GRHL3: variants seen among roughly 807,000 people sequenced by gnomAD.
GRHL3 encodes grainyhead-like protein 3 homolog.
A neutral mutation model predicts 70.3 loss-of-function variants in GRHL3; 20 were observed. That is an observed-to-expected ratio of 0.28 (90% confidence interval 0.20 to 0.41). GRHL3 has a LOEUF of 0.41. Among genes scored for constraint, GRHL3 ranks in the 10% least tolerant of loss-of-function variants. The pLI, the probability that GRHL3 is intolerant of heterozygous loss-of-function variation, is 1.00. For synonymous variants in GRHL3, 299 were observed against 299.9 expected (o/e 1.00, Z 0.03); for missense variants, 637 against 762.3 (o/e 0.84, Z 1.94).
chr1:24,340,317 A>G (rs1639988260), intron 8 of GRHL3, among the ~76,000 whole-genome samples: 1 of 152,204 alleles, frequency 6.6e-6, no homozygotes, highest in Non-Finnish European at 1.5e-5. Context: ...CTGAGCCTGT[A>G]AAAATGAGAA....
downstream of GRHL3, among the ~76,000 whole-genome samples, chr1:24,359,305 C>T (rs769053848): frequency 1.6e-4 from 25 of 152,226 alleles, no homozygotes; most frequent in Non-Finnish European, 7.3e-5. This position sits in a 1 kb window ranked among gnomAD's most constrained non-coding sequence, Gnocchi z 5.3. Context: ...GCACCACATA[C>T]GGCATGGAAA....
chr1:24,341,775 G>C (rs1293882338), intron 8 of GRHL3, among the ~76,000 whole-genome samples: 1 of 152,174 alleles, frequency 6.6e-6, no homozygotes, highest in Non-Finnish European at 1.5e-5. Flanking sequence ...AGCTCCTATA[G>C]GACTCTTGAC....
rs751765229 is a variant in GRHL3, at chr1:24,334,670, C to T, written c.230C>T (p.Ser77Phe). ...YMGPKEKRIL[S>F]SSTGGRNDQG... ...GGTCCCAAGGAGAAGCGGATATTGT[C>T]CTCCAGCACTGGGGGCAGGAATGAC... Residue 77 changes from serine (S) to phenylalanine (F), a missense_variant, in exon 3 of 16, where the codon TCC becomes TTC. This residue lies in a region of GRHL3 where 250 missense variants were observed against 248.6 expected (regional missense o/e 1.01). Transcript: ENST00000361548. This position sits in a 1 kb window ranked among gnomAD's most constrained non-coding sequence, Gnocchi z 4.3. 1.2e-6 allele frequency: 2 copies of T among 1,611,806 alleles called. No individual in the cohort carries two copies. Among genetic ancestry groups the T allele is most frequent in the Non-Finnish European group, 1.7e-6 (2 of 1,179,308 alleles).
In GRHL3 at chr1:24,342,374, T is replaced by C; in HGVS notation, c.1206+101T>C. 9.9e-7 allele frequency: 1 copy of C among 1,012,072 alleles called. No individual in the cohort carries two copies. Among genetic ancestry groups the C allele is most frequent in the Non-Finnish European group, 1.5e-6 (1 of 682,786 alleles). 62.7% of individuals were successfully genotyped at this position (1,012,072 alleles called of 1,614,324 possible). The stretch of plus-strand genomic sequence containing the variant: ...AGCTTCTCTGGGTTGTCTGTCTCTC[T>C]CTGTTTTTCTATCCCTTCTCCTCCT... On this transcript the variant is annotated intron_variant, in intron 9 of 15. Transcript: ENST00000361548. This position sits in a 1 kb window ranked among gnomAD's most constrained non-coding sequence, Gnocchi z 4.8.
At chr1:24,326,091 A>G (rs1160592408) in intron 1 of GRHL3, among the ~76,000 whole-genome samples, 1 of 152,226 alleles carries the variant, frequency 6.6e-6, no homozygotes, top group Non-Finnish European at 1.5e-5. Context: ...AGGTGATGAC[A>G]GATGTATGAG....
intron 1 of GRHL3, among the ~76,000 whole-genome samples, chr1:24,325,336 C>A (rs1639351440): frequency 6.6e-6 from 1 of 152,180 alleles, no homozygotes; most frequent in Non-Finnish European, 1.5e-5. Flanking sequence ...TGAGTACTTT[C>A]TTTTCTGTAG....
intron 12 of GRHL3, among the ~76,000 whole-genome samples, chr1:24,346,023 CTG>C (rs1472192516): frequency 2.6e-5 from 4 of 152,136 alleles, no homozygotes; most frequent in African/African-American, 9.7e-5. Flanking sequence ...GATGCGGAAA[CTG>C]AGGCTCAGAG....
chr1:24,334,580 G>A lies in GRHL3; in HGVS notation c.205-65G>A. On this transcript the variant is annotated intron_variant, in intron 2 of 15. Coordinates refer to ENST00000361548, the MANE Select transcript of GRHL3 (RefSeq NM_198173.3). The surrounding 1 kb of genome is among the most constrained non-coding windows in gnomAD (Gnocchi z 4.3). ...CCCCTGCCTGGCCAAAGCTGCAGGA[G>A]GGGATTGAGGCTCCTACCAGCAGAA... The A allele has an allele frequency of 1.5e-6, 2 of 1,332,118 alleles. No individual in the cohort carries two copies. The highest frequency in any genetic ancestry group is 2.1e-6 in the Non-Finnish European group (2 of 931,048). 82.5% of individuals were successfully genotyped at this position (1,332,118 alleles called of 1,614,324 possible).
At chr1:24,362,326 T>C (rs1459557496) in intron 15 of GRHL3, among the ~76,000 whole-genome samples, 1 of 152,340 alleles carries the variant, frequency 6.6e-6, no homozygotes, top group Non-Finnish European at 1.5e-5. Context: ...TTTGTAGGAA[T>C]GCTGGCATAG....
chr1:24,343,216 G>A (rs1640119748), intron 11 of GRHL3, 191 bp downstream of exon 11: 1 of 577,530 alleles, frequency 1.7e-6, no homozygotes, highest in Non-Finnish European at 3.0e-6. Flanking sequence ...TTGAAGAGAA[G>A]AATGTTATGA....
intron 15 of GRHL3, chr1:24,364,148 C>T: frequency 6.8e-7 from 1 of 1,474,082 alleles, no homozygotes; most frequent in South Asian, 1.4e-5. Context: ...TCCCTGCAAA[C>T]TCGAATTCAA....
At chr1:24,357,701 C>T (rs1640813614), downstream of GRHL3, 1 of 166,690 alleles carries the variant, frequency 6.0e-6, no homozygotes, top group South Asian at 1.5e-4. Flanking sequence ...CTGGCAGCTC[C>T]CCACCCACCG....
intron 12 of GRHL3, 41 bp from the exon 13 acceptor site, chr1:24,346,512 C>T (rs763677505): frequency 8.9e-6 from 13 of 1,465,290 alleles, no homozygotes; most frequent in Non-Finnish European, 1.2e-5. Flanking sequence ...CTCTAGGGGT[C>T]CCCAAGTTTC....
At position 24,338,073 on chromosome 1, in the gene GRHL3, C is replaced by T; in HGVS notation, c.922C>T (p.Pro308Ser). 1 of 1,612,632 alleles carries T rather than the reference C, an allele frequency of 6.2e-7. No individual in the cohort carries two copies. Among genetic ancestry groups the T allele is most frequent in the Non-Finnish European group, 8.5e-7 (1 of 1,179,368 alleles). The change falls in exon 7 of 16, where the codon CCC becomes TCC. Residue 308 changes from proline (P) to serine (S), a missense_variant. By Grantham distance (74) the Pro-to-Ser change is moderately conservative. Around this residue, in one of 2 missense-constraint regions of GRHL3, gnomAD observed 387 missense variants for 513.8 expected, o/e 0.75. Transcript: ENST00000361548. ...RFWKHWHSRQ[P>S]TAKQRVIDVA... Reference sequence around the variant, plus strand: ...CTGGAAGCACTGGCATTCCCGGCAACCCACTGCCAAGCAGCGGGTCATTGA... The same window carrying T: ...CTGGAAGCACTGGCATTCCCGGCAATCCACTGCCAAGCAGCGGGTCATTGA...
chr1:24,354,310 C>A, intron 15 of GRHL3, 64 bp from the exon 16 acceptor site: 1 of 1,107,988 alleles, frequency 9.0e-7, no homozygotes, highest in South Asian at 1.3e-5. Context: ...TCATCCTGGT[C>A]ACTCAGAAGG....
At chr1:24,335,682 A>T (rs1310756370) in intron 3 of GRHL3, among the ~76,000 whole-genome samples, 1 of 151,046 alleles carries the variant, frequency 6.6e-6, no homozygotes, top group South Asian at 2.1e-4. Context: ...TCCCGGGTTC[A>T]AGCCATTCTT....
chr1:24,334,781 C>G lies in GRHL3; in HGVS notation c.266+75C>G. 1 of 1,200,018 alleles carries G rather than the reference C, an allele frequency of 8.3e-7. No individual in the cohort carries two copies. Among genetic ancestry groups the G allele is most frequent in the Non-Finnish European group, 1.2e-6 (1 of 826,388 alleles). 74.3% of individuals were successfully genotyped at this position (1,200,018 alleles called of 1,614,324 possible). On this transcript the variant is annotated intron_variant, in intron 3 of 15. Coordinates refer to ENST00000361548, the MANE Select transcript of GRHL3 (RefSeq NM_198173.3). The surrounding 1 kb of genome is among the most constrained non-coding windows in gnomAD (Gnocchi z 4.3). ...TGGAGCCTCTTCCACACAGGTTTGA[C>G]TTATCCATTAGGCACAGGAGGCACA...
At chr1:24,337,932 G>A (rs1569885343) in intron 6 of GRHL3, 60 bp from the exon 7 acceptor site, 4 of 1,542,696 alleles carry the variant, frequency 2.6e-6, no homozygotes, top group East Asian at 4.5e-5. Context: ...AAAAGGGCAG[G>A]CCATTGGAAC....
chr1:24,357,045 GGC>G (rs1491450021), downstream of GRHL3: 1 of 96,034 alleles, frequency 1.0e-5, no homozygotes, highest in African/African-American at 4.3e-5. Context: ...TTAAAATTAA[GGC>G]CCCCCCCCCC....
Sources: allele counts gnomAD v4.1 joint callset (sites outside exome capture counted in the v4.1 genomes callset), GRCh38; gene constraint gnomAD v4.1.1; regional missense constraint gnomAD v4.1.1; non-coding constraint Gnocchi (gnomAD v3.1); transcripts MANE v1.5; gene names NCBI Gene and HGNC (gene_info 2026-07-23, HGNC 2026-07-21).